Variants in GNL2 observed in about 807,000 individuals in gnomAD.
The protein encoded by GNL2 is nucleolar GTP-binding protein 2.
GNL2 carries 51 observed loss-of-function variants against 92.3 expected under a neutral mutation model. That is an observed-to-expected ratio of 0.55 (90% CI 0.44 to 0.70). The LOEUF is 0.70. Among genes scored for constraint, GNL2 ranks in the 30% least tolerant of loss-of-function variants. The probability of loss-of-function intolerance (pLI) is 0.00; values close to 1 mark genes in which losing one functional copy is unlikely to be tolerated. For missense variants in GNL2, 844 were observed against 895.6 expected (o/e 0.94, Z 0.74); for synonymous variants, 283 against 300.6 (o/e 0.94, Z 0.61).
Position 37,582,948 on chromosome 1 carries a change from GA to G in GNL2, c.637-13del. 1 of 1,597,218 alleles carries G rather than the reference GA, an allele frequency of 6.3e-7. No homozygotes were observed. Among genetic ancestry groups the G allele is most frequent in the Non-Finnish European group, 8.5e-7 (1 of 1,171,764 alleles). On this transcript the variant is annotated splice_polypyrimidine_tract_variant and intron_variant, in intron 6 of 15. Coordinates refer to ENST00000373062, the MANE Select transcript of GNL2 (RefSeq NM_013285.3). The stretch of plus-strand genomic sequence containing the variant: ...GATGAATCTATCACCTGAAAATTCA[GA>G]AAGGCAAAAATGGTTTGCTACAGTA...
intron 1 of GNL2, among the ~76,000 whole-genome samples, chr1:37,594,471 C>T (rs554428943): frequency 3.9e-4 from 60 of 152,306 alleles, no homozygotes; most frequent in African/African-American, 1.4e-3. Flanking sequence ...GAAGGACAAA[C>T]GAATAGGGTA....
rs767331631 is a variant in GNL2 at position 37,567,650 on chromosome 1, T to C, written c.2043+23A>G. The C allele has an allele frequency of 8.1e-6, 12 of 1,488,998 alleles. No individual in the cohort carries two copies. The African/African-American group carries it at 1.7e-4, about 21-fold the overall frequency. 92.2% of individuals were successfully genotyped at this position (1,488,998 alleles called of 1,614,324 possible). Reference sequence around the variant, plus strand: ...AGTTCTAGTTACTCTACTTGGGCCATACTTAAAACCTATGACACTTACTTC... The same window carrying C: ...AGTTCTAGTTACTCTACTTGGGCCACACTTAAAACCTATGACACTTACTTC... On this transcript the variant is annotated intron_variant, in intron 15 of 15. Transcript: ENST00000373062.
chr1:37,569,284 A>G lies in GNL2; in HGVS notation c.1435T>C (p.Leu479=), dbSNP rs1643559143. ...VAPQLLPSSS[L]EVVPEAAQNN... is the part of the protein sequence containing the mutation. ...TGGGCTGCTTCTGGGACAACTTCCAAAGATGAGGAGGGTAGAAGCTATTAA... is the reference window on the plus strand; with the variant it reads ...TGGGCTGCTTCTGGGACAACTTCCAGAGATGAGGAGGGTAGAAGCTATTAA... Residue 479 remains leucine, a synonymous_variant, in exon 13 of 16, where the codon TTG becomes CTG. Coordinates refer to ENST00000373062, the MANE Select transcript of GNL2 (RefSeq NM_013285.3). 2 of 1,610,730 alleles carry G rather than the reference A, an allele frequency of 1.2e-6. No homozygotes were observed. The highest frequency in any genetic ancestry group is 2.7e-5 in the African/African-American group (2 of 74,906).
At chr1:37,582,428 A>G in intron 7 of GNL2, 92 bp from the exon 8 acceptor site, 2 of 726,776 alleles carry the variant, frequency 2.8e-6, no homozygotes, top group Non-Finnish European at 4.5e-6. Flanking sequence ...GAACTGTTTC[A>G]AATATACTGT....
rs1428002124 is a variant in GNL2, at chr1:37,575,509, T to A, written c.1143+86A>T. 1 of 735,798 alleles carries A rather than the reference T, an allele frequency of 1.4e-6. No individual in the cohort carries two copies. The highest frequency in any genetic ancestry group is 1.8e-5 in the African/African-American group (1 of 54,538). 45.6% of individuals were successfully genotyped at this position (735,798 alleles called of 1,614,324 possible). On this transcript the variant is annotated intron_variant, in intron 10 of 15. Transcript: ENST00000373062. This position sits in a 1 kb window ranked among gnomAD's most constrained non-coding sequence, Gnocchi z 4.1. The stretch of plus-strand genomic sequence containing the variant: ...ACAGGCTGACCCCAAACTGCCTTCT[T>A]AATAAGTAAAAAGGAAAGGTATCCA...
intron 12 of GNL2, among the ~76,000 whole-genome samples, chr1:37,572,097 G>A (rs1389456614): frequency 3.3e-5 from 5 of 152,076 alleles, no homozygotes; most frequent in African/African-American, 1.2e-4. Context: ...CTCTGCTGAA[G>A]TGCCACTGCC....
intron 2 of GNL2, among the ~76,000 whole-genome samples, chr1:37,593,075 T>C (rs760440181): frequency 2.4e-4 from 37 of 152,124 alleles, no homozygotes; most frequent in Non-Finnish European, 4.4e-4. Context: ...TACTGTTTAC[T>C]TTAAAAAAAA....
At chr1:37,567,787 C>T in intron 14 of GNL2, 23 bp from the exon 15 acceptor site, 1 of 1,574,248 alleles carries the variant, frequency 6.4e-7, no homozygotes, top group Non-Finnish European at 8.7e-7. Context: ...AATACACAAA[C>T]AGGAATTTTC....
At chr1:37,592,859 G>T in intron 2 of GNL2, 53 bp from the exon 3 acceptor site, 1 of 986,604 alleles carries the variant, frequency 1.0e-6, no homozygotes, top group South Asian at 1.3e-5. Flanking sequence ...TGGCAACAGC[G>T]AAGTTTGATT....
intron 8 of GNL2, among the ~76,000 whole-genome samples, chr1:37,577,087 G>A (rs529766941): frequency 9.3e-5 from 14 of 151,308 alleles, no homozygotes; most frequent in Admixed American, 5.3e-4. Flanking sequence ...CTATAGCCTG[G>A]GTGACAGAGA....
chr1:37,587,469 A>C lies in GNL2; in HGVS notation c.411T>G (p.Thr137=), dbSNP rs375759759. The C allele has an allele frequency of 5.5e-5, 89 of 1,612,220 alleles. No homozygotes were observed. The highest frequency in any genetic ancestry group is 5.9e-5 in the Non-Finnish European group (70 of 1,178,772). ...PHNLKVHILD[T]ESFETTFGPK... ...GGCCAAATGTAGTTTCAAAACTTTC[A>C]GTATCAAGAATGTGCACCTTCAAGT... Residue 137 remains threonine, a synonymous_variant, in exon 5 of 16, where the codon ACT becomes ACG. Transcript: ENST00000373062.
At chr1:37,592,933 A>C in intron 2 of GNL2, 127 bp from the exon 3 acceptor site, 1 of 629,580 alleles carries the variant, frequency 1.6e-6, no homozygotes, top group Non-Finnish European at 2.9e-6. Context: ...TGAAATACCA[A>C]TTCCAGTAAA....
In GNL2 at chr1:37,574,394, C is replaced by A; in HGVS notation, c.1365G>T (p.Arg455=). 1 of 1,614,076 alleles carries A rather than the reference C, an allele frequency of 6.2e-7. No individual in the cohort carries two copies. Among genetic ancestry groups the A allele is most frequent in the Non-Finnish European group, 8.5e-7 (1 of 1,179,986 alleles). ...KMVLNDWQRG[R]IPFFVKPPNA... is the part of the protein sequence containing the mutation. ...TGGGTGGCTTGACAAAGAAAGGAATCCGGCCCCTCTGCCAGTCATTGAGGA... is the reference window on the plus strand; with the variant it reads ...TGGGTGGCTTGACAAAGAAAGGAATACGGCCCCTCTGCCAGTCATTGAGGA... The change falls in exon 12 of 16, where the codon CGG becomes CGT. Residue 455 remains arginine (R), a synonymous_variant. Transcript: ENST00000373062.
intron 12 of GNL2, among the ~76,000 whole-genome samples, chr1:37,573,178 G>A (rs1246278810): frequency 6.6e-6 from 1 of 152,210 alleles, no homozygotes; most frequent in African/African-American, 2.4e-5. Flanking sequence ...GATGGTTTGG[G>A]CAGGGAGAAG....
In GNL2 at chr1:37,567,111, G is replaced by A. The variant is rs144939740; in HGVS notation, c.2044-104C>T. Reference sequence around the variant, plus strand: ...TTCTCATCTCTGTGTTCTATTTCCCGTGCTGCTTCCACAGCTACTGGAAGC... The same window carrying A: ...TTCTCATCTCTGTGTTCTATTTCCCATGCTGCTTCCACAGCTACTGGAAGC... On this transcript the variant is annotated intron_variant, in intron 15 of 15. Coordinates refer to ENST00000373062, the MANE Select transcript of GNL2 (RefSeq NM_013285.3). 166 of 1,221,520 alleles carry A rather than the reference G, an allele frequency of 1.4e-4. 2 individuals are homozygous for A. The African/African-American group carries it at 1.7e-3, about 13-fold the overall frequency. The allele number at this position is 1,221,520 out of a possible 1,614,324, so 75.7% of individuals were successfully genotyped here.
chr1:37,568,988 C>T lies in GNL2; in HGVS notation c.1731G>A (p.Ala577=), dbSNP rs376000757. ...EEEQEQQRDD[A]EESSSEPEEE... is the part of the protein sequence containing the mutation. ...CCTCAGGCTCCGAGGAAGACTCTTC[C>T]GCATCATCTCTTTGTTGCTCCTGTT... is the stretch of plus-strand genomic sequence containing the variant. Residue 577 remains alanine (A), a synonymous_variant, in exon 13 of 16, where the codon GCG becomes GCA. Coordinates refer to ENST00000373062, the MANE Select transcript of GNL2 (RefSeq NM_013285.3). 5.0e-6 allele frequency: 8 copies of T among 1,614,144 alleles called. No homozygotes were observed. In the African/African-American group the frequency reaches 5.3e-5, roughly 11 times the overall value.
At chr1:37,573,502 C>G (rs746513028) in intron 12 of GNL2, among the ~76,000 whole-genome samples, 22 of 152,268 alleles carry the variant, frequency 1.4e-4, no homozygotes, top group Non-Finnish European at 2.9e-4. Flanking sequence ...CTTCAGTCTT[C>G]TTTCTCCGAC....
Position 37,576,414 on chromosome 1 carries a change from T to A in GNL2, c.1038+14A>T. ...AAAATATGCAAAAGTAAGGTCACCC[T>A]GCGCCCAACGTACCTTTGTTTCACC... is the stretch of plus-strand genomic sequence containing the variant. On this transcript the variant is annotated intron_variant, in intron 9 of 15. Coordinates refer to ENST00000373062, the MANE Select transcript of GNL2 (RefSeq NM_013285.3). The A allele has an allele frequency of 6.2e-7, 1 of 1,611,494 alleles. No individual in the cohort carries two copies. The highest frequency in any genetic ancestry group is 1.1e-5 in the South Asian group (1 of 90,752).
At position 37,580,797 on chromosome 1, in the gene GNL2, G is replaced by GTT. The variant is rs1288163224; in HGVS notation, c.909+1425_909+1426insAA. ...ACAGATACAAATAGAACACAGCAAA[G>GTT]TAACACTAGCGAAAATAAAAGCTTC... On this transcript the variant is annotated intron_variant, in intron 8 of 15. Coordinates refer to ENST00000373062, the MANE Select transcript of GNL2 (RefSeq NM_013285.3). Among the ~76,000 whole-genome samples the GTT allele has an allele frequency of 3.3e-5, 5 of 152,298 alleles. No homozygotes were observed. In the East Asian group the frequency reaches 9.6e-4, roughly 29 times the overall value.
Sources: allele counts gnomAD v4.1 joint callset (sites outside exome capture counted in the v4.1 genomes callset), GRCh38; gene constraint gnomAD v4.1.1; non-coding constraint Gnocchi (gnomAD v3.1); transcripts MANE v1.5; gene names NCBI Gene and HGNC (gene_info 2026-07-23, HGNC 2026-07-21).